CDH17: variants seen among roughly 807,000 people sequenced by gnomAD.
The protein encoded by CDH17 is cadherin-17.
Under a neutral mutation model 86.3 loss-of-function variants are expected in CDH17, and 67 were observed. The ratio of observed to expected loss-of-function variants is 0.78; its 90% CI spans 0.64 to 0.95. CDH17 has a LOEUF of 0.95. Among genes scored for constraint, CDH17 ranks in the 40% least tolerant of loss-of-function variants. The pLI, the probability that CDH17 is intolerant of heterozygous loss-of-function variation, is 0.00. For synonymous variants in CDH17, 367 were observed against 366.4 expected, an observed-to-expected ratio of 1.00 and a Z score of -0.02; for missense variants, 993 against 1,017.6, an observed-to-expected ratio of 0.98 and a Z score of 0.33.
In CDH17 at chr8:94,174,241, G is replaced by C; in HGVS notation, c.444C>G (p.Val148=). The change falls in exon 6 of 18, where the codon GTC becomes GTG. Residue 148 remains valine (V), a synonymous_variant. Coordinates refer to ENST00000027335, the MANE Select transcript of CDH17 (RefSeq NM_004063.4). ...CCGGATCATCCAGGTCTGTGGCATT[G>C]ACATACAAGAAGGGCTTTCCTGTTT... ...NSRPGKPFLY[V]NATDLDDPAT... 1 of 1,606,720 alleles carries C rather than the reference G, an allele frequency of 6.2e-7. No homozygotes were observed. The highest frequency in any genetic ancestry group is 8.5e-7 in the Non-Finnish European group (1 of 1,177,292).
chr8:94,203,328 CAGA>C (rs370100317), intron 1 of CDH17, among the ~76,000 whole-genome samples: 72 of 152,230 alleles, frequency 4.7e-4, no homozygotes, highest in African/African-American at 1.5e-3. Context: ...AAAGAAGTTG[CAGA>C]AGGAGAGAGC....
At chr8:94,134,906 A>G (rs971439021) in intron 15 of CDH17, among the ~76,000 whole-genome samples, 1 of 152,040 alleles carries the variant, frequency 6.6e-6, no homozygotes, top group African/African-American at 2.4e-5. Context: ...TTCTGCCTTC[A>G]TTTCGTTATT....
intron 9 of CDH17, among the ~76,000 whole-genome samples, chr8:94,167,178 A>G (rs1375876438): frequency 6.6e-6 from 1 of 152,058 alleles, no homozygotes; most frequent in Non-Finnish European, 1.5e-5. Flanking sequence ...TTGTGGTCCT[A>G]AGTATTTTAT....
chr8:94,199,140 T>C (rs181970084), intron 1 of CDH17, among the ~76,000 whole-genome samples: 2 of 148,770 alleles, frequency 1.3e-5, no homozygotes, highest in Non-Finnish European at 3.0e-5. Context: ...AATAAAATCC[T>C]TAAGGGCAGA....
intron 7 of CDH17, among the ~76,000 whole-genome samples, chr8:94,171,251 C>T (rs904983416): frequency 2.0e-5 from 3 of 152,140 alleles, no homozygotes; most frequent in African/African-American, 7.2e-5. Context: ...TTCTGGGCTG[C>T]TTTCTTTTGG....
At chr8:94,146,964 A>G (rs1330240073) in intron 14 of CDH17, among the ~76,000 whole-genome samples, 2 of 152,286 alleles carry the variant, frequency 1.3e-5, no homozygotes, top group Middle Eastern at 3.4e-3. Context: ...TCTTCTCAAC[A>G]TCGTCTATGT....
At chr8:94,151,845 T>A in intron 13 of CDH17, 23 bp downstream of exon 13, 1 of 1,613,514 alleles carries the variant, frequency 6.2e-7, no homozygotes. Flanking sequence ...CAGCCAGGCC[T>A]GCCCAGCACT....
intron 9 of CDH17, among the ~76,000 whole-genome samples, chr8:94,167,283 C>T (rs1813175625): frequency 6.6e-6 from 1 of 152,264 alleles, no homozygotes; most frequent in Non-Finnish European, 1.5e-5. Context: ...GGTTCCAGAC[C>T]ATCCTACTCT....
chr8:94,157,453 G>T (rs143101888), intron 12 of CDH17, among the ~76,000 whole-genome samples: 73 of 152,272 alleles, frequency 4.8e-4, no homozygotes, highest in African/African-American at 1.7e-3. Flanking sequence ...CCACAGCCCA[G>T]GGTTGGTTGT....
At chr8:94,188,068 C>G (rs1586271740) in intron 3 of CDH17, among the ~76,000 whole-genome samples, 1 of 152,282 alleles carries the variant, frequency 6.6e-6, no homozygotes, top group East Asian at 1.9e-4. Flanking sequence ...CAGCACAATA[C>G]AGTTGTCCCT....
At chr8:94,164,401 G>A (rs1006382855) in intron 10 of CDH17, among the ~76,000 whole-genome samples, 3 of 152,186 alleles carry the variant, frequency 2.0e-5, no homozygotes, top group Non-Finnish European at 4.4e-5. Context: ...TACCTTGCAT[G>A]GTGCCTCAAA....
chr8:94,163,393 G>A (rs1813095267), intron 10 of CDH17, among the ~76,000 whole-genome samples: 8 of 152,246 alleles, frequency 5.3e-5, no homozygotes, highest in Admixed American at 5.2e-4. Context: ...GGTAACAGTT[G>A]GGTTCTGCCA....
At chr8:94,210,091 G>A (rs1817245), upstream of CDH17, among the ~76,000 whole-genome samples, 67,016 of 151,626 alleles carry the variant, frequency 0.44, 15,530 homozygotes, top group Middle Eastern at 0.54. Context: ...GACACAGAGA[G>A]GTTTTATTTC....
chr8:94,209,210 C>G (rs968273355), upstream of CDH17, among the ~76,000 whole-genome samples: 14 of 152,156 alleles, frequency 9.2e-5, no homozygotes, highest in African/African-American at 3.1e-4. Context: ...TTTCCCCAAT[C>G]AAAATGAGGT....
At chr8:94,161,444 T>A (rs4446705) in intron 11 of CDH17, among the ~76,000 whole-genome samples, 3 of 152,204 alleles carry the variant, frequency 2.0e-5, no homozygotes, top group East Asian at 1.9e-4. Context: ...TTCTTGCTCC[T>A]TCAAAATAGA....
chr8:94,150,880 T>C (rs2340028), intron 13 of CDH17, among the ~76,000 whole-genome samples: 1 of 152,226 alleles, frequency 6.6e-6, no homozygotes, highest in Non-Finnish European at 1.5e-5. Context: ...CACTAAACCA[T>C]ACAGTATATC....
At position 94,162,697 on chromosome 8, in the gene CDH17, G is replaced by T. The variant is rs140514146; in HGVS notation, c.1283-535C>A. The stretch of plus-strand genomic sequence containing the variant: ...CCATTGGCCTGTTCACAAGAGTCTG[G>T]CTACCCAGCCTGCAGGAAGCAAGGT... On this transcript the variant is annotated intron_variant, in intron 10 of 17. Transcript: ENST00000027335. Among the ~76,000 whole-genome samples the T allele has an allele frequency of 2.0e-3, 304 of 152,276 alleles. 1 individual carries two copies. The highest frequency in any genetic ancestry group is 3.5e-3 in the Non-Finnish European group (235 of 68,018).
At chr8:94,148,359 T>C (rs1812785641) in intron 14 of CDH17, among the ~76,000 whole-genome samples, 1 of 151,994 alleles carries the variant, frequency 6.6e-6, no homozygotes, top group South Asian at 2.1e-4. Context: ...CTGGCCAACA[T>C]GGTGAAACCC....
chr8:94,177,703 C>G lies in CDH17; in HGVS notation c.169G>C (p.Ala57Pro), dbSNP rs755025553. The G allele has an allele frequency of 2.5e-6, 4 of 1,613,624 alleles. No individual in the cohort carries two copies. The South Asian group carries it at 4.4e-5, about 18-fold the overall frequency. ...TCCCCAGTTAGTTCAAAAGTCACAG[C>G]AGGAGGATTGGCCTTAAACTGGGGA... ...IIFQFKANPPAVTFELTGETD... is the reference protein window; with the variant it reads ...IIFQFKANPPPVTFELTGETD... The change falls in exon 4 of 18, where the codon GCT becomes CCT. Residue 57 changes from alanine (A) to proline (P), a missense_variant. Transcript: ENST00000027335.
Sources: allele counts gnomAD v4.1 joint callset (sites outside exome capture counted in the v4.1 genomes callset), GRCh38; gene constraint gnomAD v4.1.1; transcripts MANE v1.5; gene names NCBI Gene and HGNC (gene_info 2026-07-23, HGNC 2026-07-21).